The following SLC2A13 variants were observed in gnomAD, a reference collection of about 807,000 sequenced individuals.
The protein encoded by SLC2A13 is solute carrier family 2 member 13.
Under a neutral mutation model 64.4 loss-of-function variants are expected in SLC2A13, and 32 were observed. That is an observed-to-expected ratio of 0.50 (90% confidence interval 0.37 to 0.67). The LOEUF is 0.67. Ranked by LOEUF, SLC2A13 falls within the 30% of genes least tolerant of loss-of-function variation. The pLI, the probability that SLC2A13 is intolerant of heterozygous loss-of-function variation, is 0.00. For synonymous variants in SLC2A13, 338 were observed against 327.1 expected (o/e 1.03, Z -0.36); for missense variants, 743 against 829.2 (o/e 0.90, Z 1.28).
chr12:40,104,020 C>T (rs1172960220), intron 1 of SLC2A13, among the ~76,000 whole-genome samples: 6 of 152,080 alleles, frequency 3.9e-5, no homozygotes, highest in Non-Finnish European at 8.8e-5. Context: ...TCATGGTTCC[C>T]GCATGTGGAG....
intron 2 of SLC2A13, among the ~76,000 whole-genome samples, chr12:40,028,724 C>A (rs1442358720): frequency 6.6e-6 from 1 of 152,164 alleles, no homozygotes; most frequent in Admixed American, 6.5e-5. Flanking sequence ...TATTTCTCTA[C>A]CTTTCCCACA....
intron 5 of SLC2A13, among the ~76,000 whole-genome samples, chr12:39,871,557 C>G (rs188361332): frequency 4.6e-5 from 7 of 152,020 alleles, no homozygotes; most frequent in Admixed American, 4.6e-4. Context: ...AAATGTTACC[C>G]TCAGTAGATC....
chr12:39,962,674 A>G (rs1031561399), intron 3 of SLC2A13, among the ~76,000 whole-genome samples: 2 of 152,182 alleles, frequency 1.3e-5, no homozygotes, highest in African/African-American at 2.4e-5. Context: ...TTTCTCACCT[A>G]CCCGGTTTTT....
chr12:39,942,717 G>C (rs945648623), intron 4 of SLC2A13, among the ~76,000 whole-genome samples: 6 of 152,106 alleles, frequency 3.9e-5, no homozygotes, highest in African/African-American at 1.2e-4. Flanking sequence ...CCTTTAGCTC[G>C]GAGGAGTTTG....
At chr12:39,867,475 C>CA (rs951686719) in intron 5 of SLC2A13, among the ~76,000 whole-genome samples, 306 of 146,062 alleles carry the variant, frequency 2.1e-3, no homozygotes, top group Admixed American at 4.8e-3. Context: ...AAAACAAAAA[C>CA]AAAAAAAAAA....
rs11174728 is a variant in SLC2A13, at chr12:40,011,451, T to C, written c.925+16850A>G. The stretch of plus-strand genomic sequence containing the variant: ...CTTTGTTGGGACTCACAGAATTTCA[T>C]ACTCTTAGATCTATCAAGAATCTTT... On this transcript the variant is annotated intron_variant, in intron 3 of 9. Coordinates refer to ENST00000280871, the MANE Select transcript of SLC2A13 (RefSeq NM_052885.4). 1.0e-3 allele frequency among the ~76,000 whole-genome samples: 154 copies of C among 152,334 alleles called. 2 individuals are homozygous for C. In the East Asian group the frequency reaches 0.013, roughly 12 times the overall value.
chr12:39,879,326 C>A (rs1246522493), intron 4 of SLC2A13, among the ~76,000 whole-genome samples: 1 of 152,228 alleles, frequency 6.6e-6, no homozygotes, highest in Non-Finnish European at 1.5e-5. Context: ...CCACCATCCT[C>A]TAGACCCCAG....
chr12:40,100,363 C>T (rs1418857429), intron 1 of SLC2A13, among the ~76,000 whole-genome samples: 1 of 152,178 alleles, frequency 6.6e-6, no homozygotes, highest in Non-Finnish European at 1.5e-5. Flanking sequence ...TAAATCACCA[C>T]TTATAATAAG....
intron 4 of SLC2A13, among the ~76,000 whole-genome samples, chr12:39,946,396 C>G (rs1314011305): frequency 6.6e-6 from 1 of 152,206 alleles, no homozygotes; most frequent in East Asian, 1.9e-4. Context: ...TGGAGAGGGA[C>G]TGGCAGTGGG....
chr12:40,086,341 A>G (rs1416144437), intron 1 of SLC2A13, among the ~76,000 whole-genome samples: 3 of 152,068 alleles, frequency 2.0e-5, no homozygotes, highest in Non-Finnish European at 4.4e-5. Context: ...TTTTCATTTT[A>G]TATACTCATA....
intron 6 of SLC2A13, among the ~76,000 whole-genome samples, chr12:39,844,401 G>A (rs1186398438): frequency 6.6e-6 from 1 of 152,060 alleles, no homozygotes; most frequent in Non-Finnish European, 1.5e-5. Context: ...AAAATGTAAC[G>A]ATAAAGTTCT....
chr12:40,065,196 C>T (rs1226472023), intron 1 of SLC2A13, among the ~76,000 whole-genome samples: 2 of 152,140 alleles, frequency 1.3e-5, no homozygotes, highest in Non-Finnish European at 2.9e-5. Flanking sequence ...AAATAAATTG[C>T]TGAGAGTACA....
At chr12:39,958,781 T>C (rs921335354) in intron 3 of SLC2A13, among the ~76,000 whole-genome samples, 3 of 152,222 alleles carry the variant, frequency 2.0e-5, no homozygotes, top group Admixed American at 2.0e-4. Flanking sequence ...ATTTTGTCTC[T>C]TACAATGTTC....
chr12:40,056,276 T>G (rs763001946), intron 1 of SLC2A13, among the ~76,000 whole-genome samples: 2 of 151,844 alleles, frequency 1.3e-5, no homozygotes, highest in African/African-American at 2.4e-5. Context: ...AGTTTAAGAA[T>G]AGTAGTGTTA....
intron 7 of SLC2A13, among the ~76,000 whole-genome samples, chr12:39,797,038 TA>T (rs1230664617): frequency 6.6e-6 from 1 of 152,238 alleles, no homozygotes; most frequent in Non-Finnish European, 1.5e-5. Context: ...AAAAAACTTA[TA>T]ATTACCTAAA....
intron 7 of SLC2A13, among the ~76,000 whole-genome samples, chr12:39,825,725 C>T: frequency 6.6e-6 from 1 of 152,070 alleles, no homozygotes; most frequent in East Asian, 1.9e-4. Flanking sequence ...ATTAGTATTG[C>T]AAGAGGTTTC....
intron 4 of SLC2A13, among the ~76,000 whole-genome samples, chr12:39,896,965 TA>T (rs1944938525): frequency 6.6e-6 from 1 of 152,164 alleles, no homozygotes; most frequent in African/African-American, 2.4e-5. Flanking sequence ...TTCACTTCTC[TA>T]ACTTTTAACC....
chr12:39,990,673 G>T (rs577577937), intron 3 of SLC2A13, among the ~76,000 whole-genome samples: 15 of 152,168 alleles, frequency 9.9e-5, no homozygotes, highest in Non-Finnish European at 1.9e-4. Context: ...CGACTAGGTG[G>T]TTGTGACACT....
At chr12:39,850,686 A>G (rs1403250935) in intron 6 of SLC2A13, among the ~76,000 whole-genome samples, 1 of 152,220 alleles carries the variant, frequency 6.6e-6, no homozygotes, top group African/African-American at 2.4e-5. Context: ...ATTGTAAAAC[A>G]TATATGAATA....
Sources: gnomAD v4.1 joint callset for allele counts (sites outside exome capture counted in the v4.1 genomes callset) on GRCh38, gnomAD v4.1.1 for gene constraint, MANE v1.5 for transcripts, NCBI Gene and HGNC (gene_info 2026-07-23, HGNC 2026-07-21) for gene names.